Variants in ABCB1 observed in about 807,000 individuals in gnomAD.
The protein encoded by ABCB1 is ATP binding cassette subfamily B member 1, also known as ATP-dependent translocase ABCB1.
Under a neutral mutation model 142.0 loss-of-function variants are expected in ABCB1, and 69 were observed. That is an observed-to-expected ratio of 0.49 (90% CI 0.40 to 0.59). The LOEUF (loss-of-function observed/expected upper bound fraction) is 0.59, where lower values mean the gene tolerates loss of function less well. Among genes scored for constraint, ABCB1 ranks in the 20% least tolerant of loss-of-function variants. The pLI is 0.00. For missense variants in ABCB1, 1,326 were observed against 1,554.7 expected (o/e 0.85, Z 2.47); for synonymous variants, 532 against 539.2 (o/e 0.99, Z 0.18).
At chr7:87,522,077 G>A (rs774396502) in intron 21 of ABCB1, 64 of 1,169,126 alleles carry the variant, frequency 5.5e-5, no homozygotes, top group Non-Finnish European at 7.1e-5. Flanking sequence ...GGTGGTGGTC[G>A]TGGAGGTAGT....
intron 1 of ABCB1, among the ~76,000 whole-genome samples, chr7:87,654,801 A>G (rs1823921477): frequency 6.6e-6 from 1 of 152,112 alleles, no homozygotes; most frequent in South Asian, 2.1e-4. Context: ...TTTAAAAACC[A>G]CACATCGGAT....
At chr7:87,642,163 AATAT>A (rs1446627439) in intron 1 of ABCB1, among the ~76,000 whole-genome samples, 1 of 151,858 alleles carries the variant, frequency 6.6e-6, no homozygotes, top group Non-Finnish European at 1.5e-5. Flanking sequence ...TTCAAACCCA[AATAT>A]ATCTGGTTTC....
At position 87,544,904 on chromosome 7, in the gene ABCB1, A is replaced by G; in HGVS notation, c.1983T>C (p.Ser661=). The G allele has an allele frequency of 1.2e-6, 2 of 1,614,078 alleles. No homozygotes were observed. The highest frequency in any genetic ancestry group is 1.7e-6 in the Non-Finnish European group (2 of 1,180,006). Reference sequence around the variant, plus strand: ...TACGAGTTGATCTTTTTCTTATTAGACTGGATCTTGAATCATTTGAAGACA... The same window carrying G: ...TACGAGTTGATCTTTTTCTTATTAGGCTGGATCTTGAATCATTTGAAGACA... ...LEMSSNDSRS[S]LIRKRSTRRS... The change falls in exon 16 of 28, where the codon AGT becomes AGC. Residue 661 remains serine, a synonymous_variant. Transcript: ENST00000622132.
rs748125208 is a variant in ABCB1 at position 87,545,951 on chromosome 7, C to G, written c.1799G>C (p.Gly600Ala). ...CTCCACAATGACTCCATCATCGAAA[C>G]CAGCGATGACGTCAGCATTACGAAC... ...STVRNADVIA[G>A]FDDGVIVEKG... Residue 600 changes from glycine (G) to alanine (A), a missense_variant, in exon 15 of 28, where the codon GGT (glycine) becomes GCT (alanine). Coordinates refer to ENST00000622132, the MANE Select transcript of ABCB1 (RefSeq NM_001348946.2). The G allele has an allele frequency of 1.2e-6, 2 of 1,614,062 alleles. No individual in the cohort carries two copies. Among genetic ancestry groups the G allele is most frequent in the Non-Finnish European group, 1.7e-6 (2 of 1,179,962 alleles).
At position 87,504,536 on chromosome 7, in the gene ABCB1, T is replaced by C. The variant is rs2235049; in HGVS notation, c.3637-87A>G. On this transcript the variant is annotated intron_variant, in intron 27 of 27. Coordinates refer to ENST00000622132, the MANE Select transcript of ABCB1 (RefSeq NM_001348946.2). ...AAAAAGCTCCACAGTAGGACGGGCA[T>C]GGTGGCTCACGCCTGTAATCCCAGC... The C allele has an allele frequency of 0.026, 40,877 of 1,547,628 alleles. 4,291 individuals are homozygous for C. In the African/African-American group the frequency reaches 0.33, roughly 13 times the overall value.
intron 1 of ABCB1, among the ~76,000 whole-genome samples, chr7:87,646,682 A>G (rs1389757831): frequency 6.6e-6 from 1 of 152,094 alleles, no homozygotes; most frequent in African/African-American, 2.4e-5. Flanking sequence ...TTTTAGAAAC[A>G]TTTCTCATTT....
chr7:87,522,082 G>C, intron 21 of ABCB1: 2 of 1,186,712 alleles, frequency 1.7e-6, no homozygotes, highest in Non-Finnish European at 2.5e-6. Flanking sequence ...TGGTCGTGGA[G>C]GTAGTTTCGG....
intron 1 of ABCB1, among the ~76,000 whole-genome samples, chr7:87,616,997 G>T (rs1357105422): frequency 6.6e-6 from 1 of 152,210 alleles, no homozygotes; most frequent in Admixed American, 6.5e-5. Context: ...TGTGTGACAA[G>T]GGGAGGAGAG....
intron 27 of ABCB1, among the ~76,000 whole-genome samples, chr7:87,504,668 G>A (rs1463254007): frequency 4.6e-5 from 7 of 152,220 alleles, no homozygotes; most frequent in Non-Finnish European, 8.8e-5. Flanking sequence ...AGCTGGGCTT[G>A]GTGGTGGGTG....
rs556232049 is a variant in ABCB1 at position 87,634,425 on chromosome 7, C to A, written c.-330-33347G>T. On this transcript the variant is annotated intron_variant, in intron 1 of 28. Transcript: ENST00000265724. ...TCACCTGAGGTCAAGAGTTCGAGAC[C>A]AGCCTGGCCAACATGGTGAAACCCC... is the stretch of plus-strand genomic sequence containing the variant. Among the ~76,000 whole-genome samples, 3 of 148,838 alleles carry A rather than the reference C, an allele frequency of 2.0e-5. No homozygotes were observed. The East Asian group carries it at 5.9e-4, about 29-fold the overall frequency.
intron 21 of ABCB1, chr7:87,521,933 C>A: frequency 1.3e-6 from 1 of 781,910 alleles, no homozygotes; most frequent in Admixed American, 1.7e-5. Context: ...GACCATGACT[C>A]CATGGGTAAG....
intron 1 of ABCB1, among the ~76,000 whole-genome samples, chr7:87,611,664 A>T (rs1819855849): frequency 6.6e-6 from 1 of 152,128 alleles, no homozygotes; most frequent in Non-Finnish European, 1.5e-5. Context: ...GCTAGAAAAT[A>T]GCATGTATTT....
At chr7:87,661,258 C>T (rs1824684511) in intron 1 of ABCB1, among the ~76,000 whole-genome samples, 1 of 151,748 alleles carries the variant, frequency 6.6e-6, no homozygotes, top group African/African-American at 2.4e-5. Flanking sequence ...TTTTGCATTA[C>T]AAACAATTCA....
At chr7:87,596,712 T>G (rs1169607380) in intron 2 of ABCB1, among the ~76,000 whole-genome samples, 2 of 152,082 alleles carry the variant, frequency 1.3e-5, no homozygotes, top group Non-Finnish European at 2.9e-5. Context: ...TTCTTTACAC[T>G]AAGTGAGGTC....
At chr7:87,586,942 T>A (rs1818783620) in intron 3 of ABCB1, among the ~76,000 whole-genome samples, 2 of 152,228 alleles carry the variant, frequency 1.3e-5, no homozygotes, top group South Asian at 4.1e-4. Flanking sequence ...TTTACCCTTT[T>A]TCTAGCTCTT....
intron 1 of ABCB1, among the ~76,000 whole-genome samples, chr7:87,650,015 C>T (rs944462550): frequency 4.6e-5 from 7 of 152,150 alleles, no homozygotes; most frequent in African/African-American, 9.7e-5. Context: ...TACTCAGTCA[C>T]GGGTAAGTCT....
At chr7:87,673,186 A>G (rs183529859) in intron 1 of ABCB1, among the ~76,000 whole-genome samples, 177 of 152,272 alleles carry the variant, frequency 1.2e-3, no homozygotes, top group Middle Eastern at 6.8e-3. Flanking sequence ...TCTAATGACT[A>G]TATATGTCTT....
intron 21 of ABCB1, chr7:87,522,462 G>A: frequency 1.8e-6 from 1 of 561,886 alleles, no homozygotes; most frequent in South Asian, 1.5e-5. Flanking sequence ...AGCCAGAGAA[G>A]TGACAGGGAA....
rs1033174478 is a variant in ABCB1 at position 87,681,356 on chromosome 7, A to G, written c.-331+31805T>C. Reference sequence around the variant, plus strand: ...AACTATTAGCCTGATACAAAATTAGACAAAATATTACAAGAAAAGGAAACT... The same window carrying G: ...AACTATTAGCCTGATACAAAATTAGGCAAAATATTACAAGAAAAGGAAACT... On this transcript the variant is annotated intron_variant, in intron 1 of 28. Transcript: ENST00000265724. Among the ~76,000 whole-genome samples the G allele has an allele frequency of 1.3e-5, 2 of 150,612 alleles. 1 individual carries two copies. The highest frequency in any genetic ancestry group is 1.3e-4 in the Admixed American group (2 of 15,066).
Sources: allele counts gnomAD v4.1 joint callset (sites outside exome capture counted in the v4.1 genomes callset), GRCh38; gene constraint gnomAD v4.1.1; transcripts MANE v1.5; gene names NCBI Gene and HGNC (gene_info 2026-07-23, HGNC 2026-07-21).